Variants in NT5DC1 observed in about 807,000 individuals in gnomAD.
NT5DC1 encodes the protein 5'-nucleotidase domain containing 1.
In NT5DC1, 42 loss-of-function variants were observed where a neutral mutation model predicts 59.4. That is an observed-to-expected ratio of 0.71 (90% CI 0.55 to 0.92). The LOEUF (loss-of-function observed/expected upper bound fraction) is 0.92. Among genes scored for constraint, NT5DC1 ranks in the 40% least tolerant of loss-of-function variants. The probability of loss-of-function intolerance (pLI) is 0.00; values close to 1 mark genes in which losing one functional copy is unlikely to be tolerated. For missense variants in NT5DC1, 501 were observed against 537.1 expected (o/e 0.93, Z 0.66); for synonymous variants, 172 against 188.1 (o/e 0.91, Z 0.70).
chr6:116,102,741 C>T (rs1156471663), intron 1 of NT5DC1, among the ~76,000 whole-genome samples: 1 of 152,108 alleles, frequency 6.6e-6, no homozygotes, highest in Non-Finnish European at 1.5e-5. Flanking sequence ...ATTTTAAGTC[C>T]CACAGTGTGC....
intron 6 of NT5DC1, among the ~76,000 whole-genome samples, chr6:116,169,291 C>A (rs1006872163): frequency 6.6e-6 from 1 of 152,176 alleles, no homozygotes; most frequent in Non-Finnish European, 1.5e-5. Context: ...CTCAGTTAGA[C>A]AATTTGTTCA....
intron 6 of NT5DC1, among the ~76,000 whole-genome samples, chr6:116,165,462 G>C (rs957208858): frequency 1.3e-5 from 2 of 152,068 alleles, no homozygotes; most frequent in Non-Finnish European, 2.9e-5. Context: ...TTCTTTCTCA[G>C]GAATACCTAT....
At chr6:116,145,449 G>A in intron 6 of NT5DC1, 1 of 386,788 alleles carries the variant, frequency 2.6e-6, no homozygotes, top group South Asian at 2.0e-5. Context: ...AAGAAGATTG[G>A]CCACATCCTT....
intron 6 of NT5DC1, among the ~76,000 whole-genome samples, chr6:116,162,636 G>A (rs115187230): frequency 2.3e-3 from 354 of 152,234 alleles, no homozygotes; most frequent in African/African-American, 8.4e-3. Flanking sequence ...ACTTGATCGT[G>A]ATGAATTATC....
Position 116,239,102 on chromosome 6 carries a change from C to T in NT5DC1, c.1231C>T (p.Pro411Ser). The T allele has an allele frequency of 6.2e-7, 1 of 1,611,596 alleles. No homozygotes were observed. The highest frequency in any genetic ancestry group is 8.5e-7 in the Non-Finnish European group (1 of 1,178,848). Residue 411 changes from proline to serine, a missense_variant, in exon 11 of 12, where the codon CCA becomes TCA. Coordinates refer to ENST00000319550, the MANE Select transcript of NT5DC1 (RefSeq NM_152729.3). ...CAGTACTTACAGCACTATTGCAATT[C>T]CAAGTATTGAAGCAATCGCAGGTAA... is the stretch of plus-strand genomic sequence containing the variant. ...RISTYSTIAI[P>S]SIEAIAELPL...
In NT5DC1 at chr6:116,118,494, G is replaced by A. The variant is rs79257408; in HGVS notation, c.529+549G>A. On this transcript the variant is annotated intron_variant, in intron 6 of 11. Coordinates refer to ENST00000319550, the MANE Select transcript of NT5DC1 (RefSeq NM_152729.3). ...ATAGTATGTTACCTCAGTGACTTGA[G>A]CCACATTGTCCTGATTAAACTAATA... Among the ~76,000 whole-genome samples, 446 of 152,276 alleles carry A rather than the reference G, an allele frequency of 2.9e-3. 2 individuals are homozygous for A. The highest frequency in any genetic ancestry group is 9.7e-3 in the African/African-American group (402 of 41,570).
chr6:116,228,214 T>C (rs1480138700), intron 8 of NT5DC1, among the ~76,000 whole-genome samples: 3 of 152,128 alleles, frequency 2.0e-5, no homozygotes, highest in Non-Finnish European at 4.4e-5. Flanking sequence ...TTTAGAAAAA[T>C]TTACCTCATT....
intron 2 of NT5DC1, among the ~76,000 whole-genome samples, chr6:116,107,176 A>G (rs371173034): frequency 6.6e-6 from 1 of 150,854 alleles, no homozygotes; most frequent in Non-Finnish European, 1.5e-5. Context: ...CCTGGGCTAC[A>G]GAGTGAGAAT....
intron 1 of NT5DC1, among the ~76,000 whole-genome samples, chr6:116,104,589 G>A (rs1778733397): frequency 1.3e-5 from 2 of 152,190 alleles, no homozygotes; most frequent in Admixed American, 6.5e-5. Flanking sequence ...GTGGAGATGG[G>A]CAAGCGCTAC....
intron 6 of NT5DC1, chr6:116,121,988 C>A (rs373382347): frequency 1.3e-6 from 2 of 1,586,774 alleles, no homozygotes; most frequent in Non-Finnish European, 1.7e-6. Context: ...ACACACCCAC[C>A]CATAGAAGGG....
chr6:116,184,717 G>A (rs1460995726), intron 6 of NT5DC1, among the ~76,000 whole-genome samples: 3 of 151,978 alleles, frequency 2.0e-5, no homozygotes, highest in Non-Finnish European at 4.4e-5. Context: ...TATTTATGTA[G>A]TATCAGTTGT....
rs764740565 is a variant in NT5DC1, at chr6:116,178,084, TGTGTGCGCGC to T, written c.530-42968_530-42959del. On this transcript the variant is annotated intron_variant, in intron 6 of 11. Coordinates refer to ENST00000319550, the MANE Select transcript of NT5DC1 (RefSeq NM_152729.3). The stretch of plus-strand genomic sequence containing the variant: ...GTGTGTGTGTGTGTGTGTGTGTGTG[TGTGTGCGCGC>T]GCGCGCGCGTGCGTGCGTGTGTGTG... Among the ~76,000 whole-genome samples the T allele has an allele frequency of 2.9e-4, 27 of 91,852 alleles. 1 individual carries two copies. Among genetic ancestry groups the T allele is most frequent in the South Asian group, 7.4e-4 (2 of 2,714 alleles). 60.3% of individuals were successfully genotyped at this position (91,852 alleles called of 152,430 possible). A position where few individuals can be genotyped will look rare whatever the true frequency, so the allele number is the denominator to read the frequency against.
chr6:116,200,215 C>CT (rs1781320516), intron 6 of NT5DC1, among the ~76,000 whole-genome samples: 1 of 151,974 alleles, frequency 6.6e-6, no homozygotes, highest in African/African-American at 2.4e-5. Context: ...TACAAAATAT[C>CT]TAACTAGTAC....
chr6:116,237,316 A>G (rs752813764), intron 9 of NT5DC1: 46 of 620,132 alleles, frequency 7.4e-5, no homozygotes, highest in Non-Finnish European at 1.2e-4. Flanking sequence ...ATAACAATCT[A>G]TCCAAAAAGT....
intron 6 of NT5DC1, among the ~76,000 whole-genome samples, chr6:116,143,825 CTG>C (rs966032343): frequency 2.0e-5 from 3 of 152,058 alleles, no homozygotes; most frequent in African/African-American, 7.2e-5. Context: ...AAAATTAGGA[CTG>C]TCATTTATTG....
chr6:116,117,630 CAT>C (rs1448712099), intron 5 of NT5DC1, among the ~76,000 whole-genome samples: 2 of 152,082 alleles, frequency 1.3e-5, no homozygotes, highest in African/African-American at 4.8e-5. Context: ...TTGAATAGCT[CAT>C]GTAATTTATT....
At position 116,142,645 on chromosome 6, in the gene NT5DC1, A is replaced by C. The variant is rs73772278; in HGVS notation, c.529+24700A>C. On this transcript the variant is annotated intron_variant, in intron 6 of 11. Coordinates refer to ENST00000319550, the MANE Select transcript of NT5DC1 (RefSeq NM_152729.3). The stretch of plus-strand genomic sequence containing the variant: ...TCAGCGAGCTGGGCATCTTGATAGA[A>C]TGATAGCTTAAAGCAGTCGATGGCA... 2.3e-3 allele frequency among the ~76,000 whole-genome samples: 346 copies of C among 152,304 alleles called. 2 individuals are homozygous for C. Among genetic ancestry groups the C allele is most frequent in the African/African-American group, 8.2e-3 (340 of 41,558 alleles).
In NT5DC1 at chr6:116,249,086, A is replaced by G. The variant is rs1771898472; in HGVS notation, c.*5062A>G. 2 of 152,276 alleles carry G rather than the reference A, an allele frequency of 1.3e-5. No homozygotes were observed. The highest frequency in any genetic ancestry group is 4.8e-5 in the African/African-American group (2 of 41,474). The allele number at this position is 152,276 out of a possible 1,614,324, so 9.4% of individuals were successfully genotyped here. A position where few individuals can be genotyped will look rare whatever the true frequency, so the allele number is the denominator to read the frequency against. ...GAAACAGGTGGCTGACAATGCAGAA[A>G]TCAATCACTGAACTGAAAAGGTAAA... On this transcript the variant is annotated 3_prime_UTR_variant, in exon 12 of 12. Transcript: ENST00000319550.
rs577749533 is a variant in NT5DC1, at chr6:116,239,142, A to G, written c.1252+19A>G. ...ATCGCAGGTAAGGGGGAAAATACCT[A>G]TAAAGCTTCACCTGTTACTAGACAA... is the stretch of plus-strand genomic sequence containing the variant. On this transcript the variant is annotated intron_variant, in intron 11 of 11. Transcript: ENST00000319550. The G allele has an allele frequency of 9.5e-6, 15 of 1,572,916 alleles. No individual in the cohort carries two copies. The East Asian group carries it at 2.5e-4, about 26-fold the overall frequency.
Sources: allele counts gnomAD v4.1 joint callset (sites outside exome capture counted in the v4.1 genomes callset), GRCh38; gene constraint gnomAD v4.1.1; transcripts MANE v1.5; gene names NCBI Gene and HGNC (gene_info 2026-07-23, HGNC 2026-07-21).